The following CA10 variants were observed in gnomAD, a reference collection of about 807,000 sequenced individuals.
CA10 encodes carbonic anhydrase-related protein 10.
A neutral mutation model predicts 44.2 loss-of-function variants in CA10; 14 were observed. That is an observed-to-expected ratio of 0.32 (90% CI 0.21 to 0.50). CA10 has a LOEUF of 0.50. CA10 is among the 20% of genes least tolerant of loss of function. The pLI is 0.99. For missense variants in CA10, 350 were observed against 409.7 expected (o/e 0.85, Z 1.26); for synonymous variants, 159 against 141.6 (o/e 1.12, Z -0.87).
chr17:51,804,314 C>A (rs1840754407), intron 3 of CA10, among the ~76,000 whole-genome samples: 1 of 152,166 alleles, frequency 6.6e-6, no homozygotes, highest in Admixed American at 6.5e-5. Flanking sequence ...TAAATTTTGA[C>A]CTATCACTGT....
At chr17:51,691,718 A>C (rs1915201192) in intron 4 of CA10, among the ~76,000 whole-genome samples, 1 of 152,202 alleles carries the variant, frequency 6.6e-6, no homozygotes, top group Non-Finnish European at 1.5e-5. Flanking sequence ...TTAAGTCTTT[A>C]ATCCACTTTT....
At chr17:51,956,320 T>C (rs2144041717) in intron 2 of CA10, among the ~76,000 whole-genome samples, 1 of 152,306 alleles carries the variant, frequency 6.6e-6, no homozygotes, top group Middle Eastern at 3.4e-3. Context: ...ATATATTCAC[T>C]ACACATGTAT....
intron 6 of CA10, among the ~76,000 whole-genome samples, chr17:51,637,466 T>C (rs919209666): frequency 2.0e-5 from 3 of 152,178 alleles, no homozygotes; most frequent in Non-Finnish European, 2.9e-5. Flanking sequence ...GGAGAACACA[T>C]GGCAGGGTCC....
intron 1 of CA10, among the ~76,000 whole-genome samples, chr17:52,083,778 ATG>A (rs1988044918): frequency 6.6e-6 from 1 of 152,202 alleles, no homozygotes; most frequent in African/African-American, 2.4e-5. Flanking sequence ...ATTCCACGGT[ATG>A]GATATACCCC....
At chr17:51,891,179 C>A (rs1369355206) in intron 3 of CA10, among the ~76,000 whole-genome samples, 2 of 152,118 alleles carry the variant, frequency 1.3e-5, no homozygotes, top group East Asian at 3.8e-4. Context: ...CACTAAGGAT[C>A]CACCGGGCCA....
chr17:52,139,306 T>C (rs757079142), intron 1 of CA10, among the ~76,000 whole-genome samples: 3 of 152,332 alleles, frequency 2.0e-5, no homozygotes, highest in Non-Finnish European at 4.4e-5. Context: ...TACATTAAAT[T>C]AAATAGTCTT....
At chr17:52,117,590 T>C (rs1988926155) in intron 1 of CA10, among the ~76,000 whole-genome samples, 1 of 152,200 alleles carries the variant, frequency 6.6e-6, no homozygotes, top group Non-Finnish European at 1.5e-5. Context: ...TCTAATTAAT[T>C]GGCTTAAAGA....
rs1402539309 is a variant in CA10, at chr17:51,788,559, C to T, written c.280-40741G>A. Among the ~76,000 whole-genome samples, 7 of 152,214 alleles carry T rather than the reference C, an allele frequency of 4.6e-5. No individual in the cohort carries two copies. In the East Asian group the frequency reaches 7.7e-4, roughly 17 times the overall value. ...TAATTACCCTGATTCGATCATTACA[C>T]ATTGGATGCATGTATCAAAATATCA... On this transcript the variant is annotated intron_variant, in intron 3 of 8. Transcript: ENST00000451037.
chr17:51,662,916 G>C (rs934038132), intron 4 of CA10, among the ~76,000 whole-genome samples: 5 of 152,124 alleles, frequency 3.3e-5, no homozygotes, highest in Non-Finnish European at 5.9e-5. Flanking sequence ...AAGTTGTATG[G>C]GAGTTTGCAC....
At chr17:51,644,500 C>T (rs546831948) in intron 6 of CA10, among the ~76,000 whole-genome samples, 4 of 152,138 alleles carry the variant, frequency 2.6e-5, no homozygotes, top group Non-Finnish European at 5.9e-5. Context: ...ATCTGGATGC[C>T]AACGTCTTCC....
At chr17:51,700,156 C>T (rs1915544059) in intron 4 of CA10, among the ~76,000 whole-genome samples, 1 of 152,118 alleles carries the variant, frequency 6.6e-6, no homozygotes, top group Non-Finnish European at 1.5e-5. Flanking sequence ...GGAGAGCATC[C>T]TTGGAGAACT....
chr17:51,937,751 T>C (rs75357175), intron 2 of CA10, among the ~76,000 whole-genome samples: 147 of 152,232 alleles, frequency 9.7e-4, no homozygotes, highest in Non-Finnish European at 1.9e-3. Context: ...ATATGATAGA[T>C]GTTATAATAA....
At chr17:52,139,513 C>T (rs1989432128) in intron 1 of CA10, among the ~76,000 whole-genome samples, 1 of 150,066 alleles carries the variant, frequency 6.7e-6, no homozygotes, top group Non-Finnish European at 1.5e-5. Flanking sequence ...CTTTTGCTTG[C>T]AGTTTGGAGA....
intron 3 of CA10, among the ~76,000 whole-genome samples, chr17:51,891,452 C>A (rs537757632): frequency 6.6e-6 from 1 of 152,020 alleles, no homozygotes; most frequent in Non-Finnish European, 1.5e-5. Flanking sequence ...TAATAGTTAG[C>A]GATTTGGTTT....
At chr17:51,980,385 T>A (rs1200140522) in intron 2 of CA10, among the ~76,000 whole-genome samples, 1 of 152,068 alleles carries the variant, frequency 6.6e-6, no homozygotes, top group Non-Finnish European at 1.5e-5. Flanking sequence ...GTTGCTTTTC[T>A]TTTATACATT....
At chr17:51,962,638 T>C (rs1238129181) in intron 2 of CA10, among the ~76,000 whole-genome samples, 2 of 152,070 alleles carry the variant, frequency 1.3e-5, no homozygotes, top group African/African-American at 2.4e-5. Context: ...AGGAAGTGCA[T>C]ATGGCTATAG....
At chr17:51,991,509 TAATA>T (rs1397233998) in intron 2 of CA10, among the ~76,000 whole-genome samples, 3 of 152,106 alleles carry the variant, frequency 2.0e-5, no homozygotes, top group Non-Finnish European at 2.9e-5. Context: ...AACAGGTGCT[TAATA>T]AATGCCTTTT....
intron 1 of CA10, among the ~76,000 whole-genome samples, chr17:52,110,856 C>T (rs143412006): frequency 2.7e-3 from 405 of 152,264 alleles, no homozygotes; most frequent in African/African-American, 9.2e-3. Context: ...AGGACAGTTC[C>T]ACGAAGAATA....
intron 2 of CA10, among the ~76,000 whole-genome samples, chr17:52,056,774 C>A: frequency 6.6e-6 from 1 of 151,944 alleles, no homozygotes; most frequent in Non-Finnish European, 1.5e-5. Context: ...GCACTACTTA[C>A]CCTTACAAAG....
Sources: allele counts gnomAD v4.1 joint callset (sites outside exome capture counted in the v4.1 genomes callset), GRCh38; gene constraint gnomAD v4.1.1; transcripts MANE v1.5; gene names NCBI Gene and HGNC (gene_info 2026-07-23, HGNC 2026-07-21).